Variants in TPH2 observed in about 807,000 individuals in gnomAD.
The protein encoded by TPH2 is tryptophan hydroxylase 2, also known as tryptophan 5-hydroxylase 2.
TPH2 carries 27 observed loss-of-function variants against 59.1 expected under a neutral mutation model. That is an observed-to-expected ratio of 0.46 (90% CI 0.34 to 0.63). TPH2 has a LOEUF of 0.63. TPH2 is among the 30% of genes least tolerant of loss of function. TPH2 has a pLI of 0.01. For missense variants in TPH2, 523 were observed against 588.3 expected, an observed-to-expected ratio of 0.89 and a Z score of 1.15; for synonymous variants, 220 against 210.5, an observed-to-expected ratio of 1.05 and a Z score of -0.39.
At chr12:71,961,335 A>G (rs938468408) in intron 5 of TPH2, among the ~76,000 whole-genome samples, 1 of 152,228 alleles carries the variant, frequency 6.6e-6, no homozygotes, top group African/African-American at 2.4e-5. Context: ...GAACTATTAT[A>G]GTATTGTTAT....
At chr12:71,999,017 A>G (rs907575933) in intron 8 of TPH2, among the ~76,000 whole-genome samples, 4 of 152,344 alleles carry the variant, frequency 2.6e-5, no homozygotes, top group African/African-American at 9.6e-5. Context: ...GAAAGCAGAC[A>G]TGTAATAACT....
intron 5 of TPH2, among the ~76,000 whole-genome samples, chr12:71,970,504 G>A (rs193214724): frequency 9.7e-4 from 147 of 152,294 alleles, no homozygotes; most frequent in African/African-American, 3.2e-3. Context: ...TTGACCTAAC[G>A]ATTCTTCTCA....
At chr12:71,973,801 A>T (rs910354849) in intron 6 of TPH2, among the ~76,000 whole-genome samples, 13 of 152,124 alleles carry the variant, frequency 8.5e-5, no homozygotes, top group Non-Finnish European at 2.9e-5. Flanking sequence ...TCAATCAACT[A>T]ATTGATCAAT....
Position 71,938,890 on chromosome 12 carries a change from C to A in TPH2, c.-97C>A. 2 of 1,023,538 alleles carry A rather than the reference C, an allele frequency of 2.0e-6. No homozygotes were observed. The highest frequency in any genetic ancestry group is 1.3e-5 in the South Asian group (1 of 79,154). 63.4% of individuals were successfully genotyped at this position (1,023,538 alleles called of 1,614,324 possible). A position where few individuals can be genotyped will look rare whatever the true frequency, so the allele number is the denominator to read the frequency against. On this transcript the variant is annotated 5_prime_UTR_variant, in exon 1 of 11. Coordinates refer to ENST00000333850, the MANE Select transcript of TPH2 (RefSeq NM_173353.4). ...GGTTCTGGACAGCGCCCCAAGCAGG[C>A]AGCTGATCGCACGCCCCTTCCTCTC... is the stretch of plus-strand genomic sequence containing the variant.
intron 5 of TPH2, chr12:71,965,230 GT>G (rs1871785716): frequency 6.6e-6 from 1 of 152,180 alleles, no homozygotes; most frequent in South Asian, 2.1e-4. Flanking sequence ...ATTGTAAATA[GT>G]GCTGCAGTGA....
intron 5 of TPH2, among the ~76,000 whole-genome samples, chr12:71,966,342 A>T (rs1023346007): frequency 1.3e-5 from 2 of 152,216 alleles, no homozygotes; most frequent in South Asian, 2.1e-4. Context: ...CAGTAAAATT[A>T]TACATATTTT....
At chr12:71,949,926 A>C (rs1196154981) in intron 5 of TPH2, among the ~76,000 whole-genome samples, 4 of 151,560 alleles carry the variant, frequency 2.6e-5, no homozygotes, top group African/African-American at 9.7e-5. Context: ...ATTTCTGTGC[A>C]CTCTGCAGGC....
intron 5 of TPH2, among the ~76,000 whole-genome samples, chr12:71,958,717 C>T (rs1383193890): frequency 6.6e-6 from 1 of 152,214 alleles, no homozygotes; most frequent in African/African-American, 2.4e-5. Flanking sequence ...GAAATAAACA[C>T]AGCTGGGCTG....
At chr12:71,988,195 G>C (rs556022782) in intron 7 of TPH2, among the ~76,000 whole-genome samples, 35 of 152,312 alleles carry the variant, frequency 2.3e-4, no homozygotes, top group African/African-American at 7.9e-4. Context: ...GCTTTGGACT[G>C]TTGTGTTATA....
intron 6 of TPH2, among the ~76,000 whole-genome samples, chr12:71,973,862 C>T (rs375732669): frequency 3.8e-4 from 58 of 152,236 alleles, no homozygotes; most frequent in African/African-American, 1.3e-3. Flanking sequence ...GCTGATGTTA[C>T]ACTAGTGAAC....
chr12:71,987,368 C>T (rs970708879), intron 7 of TPH2, among the ~76,000 whole-genome samples: 12 of 152,116 alleles, frequency 7.9e-5, no homozygotes, highest in South Asian at 2.1e-4. Flanking sequence ...GACCGAAATA[C>T]GAACATGGCC....
chr12:72,004,854 G>A (rs2139230633), intron 8 of TPH2, among the ~76,000 whole-genome samples: 1 of 152,266 alleles, frequency 6.6e-6, no homozygotes, highest in East Asian at 1.9e-4. Context: ...GATTTCTAAA[G>A]CTATTCTTCT....
intron 5 of TPH2, among the ~76,000 whole-genome samples, chr12:71,957,404 A>C (rs942293242): frequency 3.0e-5 from 4 of 132,952 alleles, no homozygotes; most frequent in Non-Finnish European, 6.1e-5. Flanking sequence ...TGTCATGCTC[A>C]TGGGTCACTG....
At chr12:71,975,357 T>TGAACAAACAAAC (rs1872087086) in intron 6 of TPH2, among the ~76,000 whole-genome samples, 1 of 151,962 alleles carries the variant, frequency 6.6e-6, no homozygotes, top group Admixed American at 6.6e-5. Context: ...AACAAACAAA[T>TGAACAAACAAAC]GAACAAACAA....
chr12:71,975,645 C>T (rs1872097530), intron 6 of TPH2, among the ~76,000 whole-genome samples: 1 of 152,198 alleles, frequency 6.6e-6, no homozygotes, highest in Admixed American at 6.5e-5. Context: ...ACCTATTCTT[C>T]AGGACTCAGA....
At chr12:71,941,821 A>C (rs574360313) in intron 2 of TPH2, 88 bp downstream of exon 2, 4 of 1,381,548 alleles carry the variant, frequency 2.9e-6, no homozygotes. Flanking sequence ...TTACTGAATC[A>C]ATTTCTGGAT....
intron 5 of TPH2, among the ~76,000 whole-genome samples, chr12:71,955,689 C>A (rs779466802): frequency 2.0e-5 from 3 of 152,154 alleles, no homozygotes; most frequent in Non-Finnish European, 2.9e-5. Flanking sequence ...AAACTTAGAA[C>A]ACTACATGTG....
intron 5 of TPH2, among the ~76,000 whole-genome samples, chr12:71,958,892 C>T (rs1423123009): frequency 6.6e-6 from 1 of 152,172 alleles, no homozygotes; most frequent in African/African-American, 2.4e-5. Flanking sequence ...ACAGCTCCAA[C>T]AGAGGACTAG....
chr12:72,000,974 G>T (rs116519625), intron 8 of TPH2, among the ~76,000 whole-genome samples: 24 of 152,112 alleles, frequency 1.6e-4, no homozygotes, highest in Non-Finnish European at 3.2e-4. Flanking sequence ...GGCATCTTTC[G>T]TCAAACAGTA....
Sources: gnomAD v4.1 joint callset for allele counts (sites outside exome capture counted in the v4.1 genomes callset) on GRCh38, gnomAD v4.1.1 for gene constraint, MANE v1.5 for transcripts, NCBI Gene and HGNC (gene_info 2026-07-23, HGNC 2026-07-21) for gene names.